The following MED12L variants were observed in gnomAD, a reference collection of about 807,000 sequenced individuals.
The protein encoded by MED12L is mediator complex subunit 12L, also known as mediator of RNA polymerase II transcription subunit 12-like protein.
A neutral mutation model predicts 281.3 loss-of-function variants in MED12L; 60 were observed. That is an observed-to-expected ratio of 0.21 (90% confidence interval 0.17 to 0.26). The LOEUF is 0.26. Among genes scored for constraint, MED12L ranks in the 10% least tolerant of loss-of-function variants. The pLI, the probability that MED12L is intolerant of heterozygous loss-of-function variation, is 1.00. For missense variants in MED12L, 2,146 were observed against 2,680.9 expected, an observed-to-expected ratio of 0.80 and a Z score of 4.41; for synonymous variants, 974 against 987.2, an observed-to-expected ratio of 0.99 and a Z score of 0.25.
At position 151,381,768 on chromosome 3, in the gene MED12L, A is replaced by G. The variant is rs115282847; in HGVS notation, c.4591-888A>G. ...CTCCATGAGAGCTTGTTGTTTAGTT[A>G]ACTACCTTGCCCCCTTAAGCCAGCC... On this transcript the variant is annotated intron_variant, in intron 32 of 44. Coordinates refer to ENST00000687756, the MANE Select transcript of MED12L (RefSeq NM_001393769.1). 8.8e-3 allele frequency among the ~76,000 whole-genome samples: 1,346 copies of G among 152,222 alleles called. 12 individuals carry two copies. The highest frequency in any genetic ancestry group is 0.013 in the Non-Finnish European group (887 of 68,010).
intron 16 of MED12L, chr3:151,338,684 C>A (rs781350611): frequency 1.2e-6 from 2 of 1,613,606 alleles, no homozygotes; most frequent in South Asian, 2.2e-5. Flanking sequence ...TTGATTTACT[C>A]CGGATTTGAA....
chr3:151,217,700 T>A (rs1043291394), intron 16 of MED12L, among the ~76,000 whole-genome samples: 6 of 152,186 alleles, frequency 3.9e-5, no homozygotes, highest in African/African-American at 1.2e-4. Context: ...GATTTCTTCA[T>A]CTTAAAGGAA....
At chr3:151,110,794 C>G (rs1711759343) in intron 2 of MED12L, among the ~76,000 whole-genome samples, 1 of 151,804 alleles carries the variant, frequency 6.6e-6, no homozygotes, top group Non-Finnish European at 1.5e-5. Context: ...GCATTTGTGC[C>G]CTTACAGTGA....
intron 16 of MED12L, among the ~76,000 whole-genome samples, chr3:151,204,794 C>T (rs1339279049): frequency 6.6e-6 from 1 of 152,142 alleles, no homozygotes; most frequent in East Asian, 1.9e-4. Flanking sequence ...AGATTTTTGA[C>T]AGTTTCTGTT....
chr3:151,210,089 A>T (rs534495198), intron 16 of MED12L, among the ~76,000 whole-genome samples: 1 of 152,180 alleles, frequency 6.6e-6, no homozygotes, highest in South Asian at 2.1e-4. Flanking sequence ...TGGTAGCCAG[A>T]TGAAAGAAGT....
chr3:151,111,902 G>A (rs1041761311), intron 2 of MED12L, among the ~76,000 whole-genome samples: 34 of 152,124 alleles, frequency 2.2e-4, no homozygotes, highest in African/African-American at 8.0e-4. Context: ...TCAGTGCGCG[G>A]ATGGGTGGGT....
intron 16 of MED12L, chr3:151,214,278 G>T (rs1049497713): frequency 1.2e-6 from 2 of 1,613,944 alleles, no homozygotes; most frequent in Admixed American, 3.3e-5. Context: ...TCTGAGAGCA[G>T]GATTCATCTG....
intron 16 of MED12L, among the ~76,000 whole-genome samples, chr3:151,341,944 A>C (rs916829120): frequency 4.6e-5 from 7 of 152,094 alleles, no homozygotes; most frequent in Admixed American, 2.0e-4. Flanking sequence ...TCCATGGTGT[A>C]TATGTGCCAC....
chr3:151,423,508 T>A (rs1367484140), intron 43 of MED12L, among the ~76,000 whole-genome samples: 2 of 152,186 alleles, frequency 1.3e-5, no homozygotes, highest in Non-Finnish European at 2.9e-5. Context: ...TATCAATGCC[T>A]GTGTTGCCAT....
Position 151,355,920 on chromosome 3 carries a change from A to G in MED12L, c.2542A>G (p.Ile848Val). The G allele has an allele frequency of 6.2e-7, 1 of 1,613,934 alleles. No individual in the cohort carries two copies. The highest frequency in any genetic ancestry group is 8.5e-7 in the Non-Finnish European group (1 of 1,179,976). ...GATTTCTAACAATGTGCTAGAACAAATCACAAGCTTTGCGTCAGGAACATC... is the reference window on the plus strand; with the variant it reads ...GATTTCTAACAATGTGCTAGAACAAGTCACAAGCTTTGCGTCAGGAACATC... ...SQISNNVLEQ[I>V]TSFASGTSYH... is the part of the protein sequence containing the mutation. The change falls in exon 19 of 45, where the codon ATC becomes GTC. Residue 848 changes from isoleucine to valine, a missense_variant. Ile to Val is a conservative substitution (Grantham distance 29). Coordinates refer to ENST00000687756, the MANE Select transcript of MED12L (RefSeq NM_001393769.1).
At chr3:151,428,455 C>T (rs76589672) in intron 43 of MED12L, among the ~76,000 whole-genome samples, 3 of 152,050 alleles carry the variant, frequency 2.0e-5, no homozygotes, top group Admixed American at 1.3e-4. Context: ...GGGAATAGTT[C>T]ATTAGTTTTG....
At chr3:151,215,784 G>T (rs1728098946) in intron 16 of MED12L, among the ~76,000 whole-genome samples, 1 of 152,120 alleles carries the variant, frequency 6.6e-6, no homozygotes, top group South Asian at 2.1e-4. Context: ...CTGTAATGTT[G>T]AAGTCCTTTC....
chr3:151,116,243 G>A, intron 2 of MED12L, 95 bp from the exon 3 acceptor site: 1 of 790,900 alleles, frequency 1.3e-6, no homozygotes, highest in South Asian at 1.8e-5. Context: ...CCTCTACAGA[G>A]TATAACAAAT....
chr3:151,367,535 A>G (rs764481483), intron 23 of MED12L, 111 bp from the exon 24 acceptor site: 19 of 911,060 alleles, frequency 2.1e-5, no homozygotes, highest in Middle Eastern at 3.0e-4. Flanking sequence ...CTGCTGGTTC[A>G]TGTTGGGATT....
At chr3:151,162,513 C>T (rs1260877872) in intron 8 of MED12L, among the ~76,000 whole-genome samples, 1 of 152,012 alleles carries the variant, frequency 6.6e-6, no homozygotes, top group African/African-American at 2.4e-5. Flanking sequence ...AGCTCCTGGG[C>T]TCAAGTGATC....
intron 17 of MED12L, among the ~76,000 whole-genome samples, chr3:151,354,320 C>T (rs1248228560): frequency 6.6e-6 from 1 of 151,688 alleles, no homozygotes; most frequent in Admixed American, 6.6e-5. Context: ...GAAGAGTACC[C>T]CTAGAATAAG....
chr3:151,405,819 A>G (rs564615248), intron 39 of MED12L, among the ~76,000 whole-genome samples: 1 of 152,348 alleles, frequency 6.6e-6, no homozygotes, highest in Middle Eastern at 3.4e-3. Context: ...AGAATGATAG[A>G]TGCTAAACAT....
Position 151,242,262 on chromosome 3 carries a change from G to A in MED12L, c.2250+48596G>A, listed in dbSNP as rs556562293. On this transcript the variant is annotated intron_variant, in intron 16 of 44. Coordinates refer to ENST00000687756, the MANE Select transcript of MED12L (RefSeq NM_001393769.1). Reference sequence around the variant, plus strand: ...AGCAGCCGGGAAGCTCAAACTGGGCGGAGCCCACCACAGCTCAAGGAGGCC... The same window carrying A: ...AGCAGCCGGGAAGCTCAAACTGGGCAGAGCCCACCACAGCTCAAGGAGGCC... 1.1e-3 allele frequency among the ~76,000 whole-genome samples: 171 copies of A among 152,360 alleles called. 2 individuals are homozygous for A. The highest frequency in any genetic ancestry group is 3.6e-3 in the African/African-American group (150 of 41,590).
rs567311727 is a variant in MED12L at position 151,165,753 on chromosome 3, T to C, written c.1358-93T>C. 4 of 1,340,902 alleles carry C rather than the reference T, an allele frequency of 3.0e-6. No individual in the cohort carries two copies. The South Asian group carries it at 5.4e-5, about 18-fold the overall frequency. The allele number at this position is 1,340,902 out of a possible 1,614,324, so 83.1% of individuals were successfully genotyped here. On this transcript the variant is annotated intron_variant, in intron 10 of 44. Transcript: ENST00000687756. ...GCCAAGAATGATAATTAAAAAAAAA[T>C]TCTTTTGCCTCACATAGAATGGTGA...
Sources: allele counts gnomAD v4.1 joint callset (sites outside exome capture counted in the v4.1 genomes callset), GRCh38; gene constraint gnomAD v4.1.1; transcripts MANE v1.5; gene names NCBI Gene and HGNC (gene_info 2026-07-23, HGNC 2026-07-21).